KIAA1958: variants seen among roughly 807,000 people sequenced by gnomAD.
KIAA1958 encodes KIAA1958.
KIAA1958 carries 14 observed loss-of-function variants against 47.2 expected under a neutral mutation model. That is an observed-to-expected ratio of 0.30 (90% CI 0.20 to 0.46). KIAA1958 has a LOEUF of 0.46. KIAA1958 is among the 20% of genes least tolerant of loss of function. KIAA1958 has a pLI of 1.00. For synonymous variants in KIAA1958, 354 were observed against 353.3 expected, an observed-to-expected ratio of 1.00 and a Z score of -0.02; for missense variants, 803 against 909.2, an observed-to-expected ratio of 0.88 and a Z score of 1.50.
chr9:112,659,495 G>C lies in KIAA1958; in HGVS notation c.1577G>C (p.Arg526Pro). 1 of 1,613,600 alleles carries C rather than the reference G, an allele frequency of 6.2e-7. No homozygotes were observed. Among genetic ancestry groups the C allele is most frequent in the Non-Finnish European group, 8.5e-7 (1 of 1,179,784 alleles). ...VLSKAGMSGA[R>P]SRNIVYFSLS... ...AGTAAGGCAGGCATGTCGGGCGCGC[G>C]TTCTCGCAACATCGTCTACTTCTCC... The change falls in exon 4 of 4, where the codon CGT becomes CCT. Residue 526 changes from arginine to proline, a missense_variant. Transcript: ENST00000337530.
intron 3 of KIAA1958, among the ~76,000 whole-genome samples, chr9:112,646,166 G>A (rs1475310821): frequency 2.0e-5 from 3 of 151,852 alleles, no homozygotes; most frequent in Non-Finnish European, 4.4e-5. Flanking sequence ...AGTGATGTGA[G>A]GAAGAATAAA....
At chr9:112,546,206 G>C (rs1164315781) in intron 1 of KIAA1958, among the ~76,000 whole-genome samples, 1 of 151,920 alleles carries the variant, frequency 6.6e-6, no homozygotes, top group African/African-American at 2.4e-5. Context: ...TGTCCTCACT[G>C]CTCATTATAT....
At position 112,634,098 on chromosome 9, in the gene KIAA1958, AAG is replaced by A. The variant is rs753994315; in HGVS notation, c.1172-11549_1172-11548del. Among the ~76,000 whole-genome samples, 62 of 152,234 alleles carry A rather than the reference AAG, an allele frequency of 4.1e-4. 1 individual carries two copies. Among genetic ancestry groups the A allele is most frequent in the Non-Finnish European group, 1.5e-4 (10 of 68,046 alleles). On this transcript the variant is annotated intron_variant, in intron 2 of 3. Coordinates refer to ENST00000337530, the MANE Select transcript of KIAA1958 (RefSeq NM_133465.4). ...AAATCAATGCTTGTACCAACTTAGC[AAG>A]AGTGTTCCTGTTGCTCCATATCTTC...
chr9:112,571,833 T>G (rs1388659908), intron 1 of KIAA1958, among the ~76,000 whole-genome samples: 1 of 132,748 alleles, frequency 7.5e-6, no homozygotes, highest in African/African-American at 2.8e-5. Context: ...AAAATAAAAA[T>G]AAAAAATAAA....
intron 2 of KIAA1958, among the ~76,000 whole-genome samples, chr9:112,624,704 A>G (rs989318062): frequency 2.0e-5 from 3 of 152,234 alleles, no homozygotes; most frequent in African/African-American, 7.2e-5. Flanking sequence ...TGGCATTTTA[A>G]TACACTTACG....
intron 2 of KIAA1958, among the ~76,000 whole-genome samples, chr9:112,612,278 A>G (rs911000689): frequency 6.6e-6 from 1 of 151,746 alleles, no homozygotes. Context: ...TTAATTAGCC[A>G]GGTGTGGTGG....
At chr9:112,619,475 CTTAA>C (rs770308367) in intron 2 of KIAA1958, among the ~76,000 whole-genome samples, 2 of 152,036 alleles carry the variant, frequency 1.3e-5, no homozygotes, top group South Asian at 2.1e-4. Flanking sequence ...TCTTTTTTAA[CTTAA>C]TTAGAGTTTT....
intron 2 of KIAA1958, among the ~76,000 whole-genome samples, chr9:112,587,201 G>T (rs771922016): frequency 1.4e-4 from 22 of 152,228 alleles, no homozygotes; most frequent in Admixed American, 6.5e-4. Context: ...CCAGACTGGA[G>T]TGCAGTGGCG....
At chr9:112,516,050 G>A (rs1350482355) in intron 1 of KIAA1958, among the ~76,000 whole-genome samples, 1 of 152,264 alleles carries the variant, frequency 6.6e-6, no homozygotes, top group East Asian at 1.9e-4. Context: ...AAGTACAACT[G>A]TCTGTCTGTA....
chr9:112,555,521 T>G (rs1205157283), intron 1 of KIAA1958, among the ~76,000 whole-genome samples: 1 of 152,142 alleles, frequency 6.6e-6, no homozygotes, highest in African/African-American at 2.4e-5. Context: ...GAACAGAAAT[T>G]TATTTCTCAT....
At chr9:112,517,030 T>C (rs923988468) in intron 1 of KIAA1958, among the ~76,000 whole-genome samples, 1 of 152,250 alleles carries the variant, frequency 6.6e-6, no homozygotes, top group African/African-American at 2.4e-5. Context: ...GTGATTGGTA[T>C]AAGAGTGTGT....
intron 1 of KIAA1958, among the ~76,000 whole-genome samples, chr9:112,505,818 A>G (rs760301312): frequency 3.9e-5 from 6 of 152,180 alleles, no homozygotes; most frequent in African/African-American, 7.2e-5. Context: ...AGCTGTAGGA[A>G]AGATTGCTTG....
intron 1 of KIAA1958, among the ~76,000 whole-genome samples, chr9:112,499,688 CTTTT>C (rs917810043): frequency 7.7e-6 from 1 of 130,500 alleles, no homozygotes; most frequent in Non-Finnish European, 1.6e-5. Flanking sequence ...ACATTTTTTT[CTTTT>C]TTTTTTTTTT....
intron 2 of KIAA1958, among the ~76,000 whole-genome samples, chr9:112,596,811 T>C (rs1391210771): frequency 6.6e-6 from 1 of 152,232 alleles, no homozygotes; most frequent in Non-Finnish European, 1.5e-5. Flanking sequence ...CATACATCTT[T>C]TGTTTCAAAT....
In KIAA1958 at chr9:112,517,451, G is replaced by A. The variant is rs571226873; in HGVS notation, c.-25+30333G>A. 9.2e-5 allele frequency among the ~76,000 whole-genome samples: 14 copies of A among 152,136 alleles called. No individual in the cohort carries two copies. In the East Asian group the frequency reaches 9.6e-4, roughly 10 times the overall value. On this transcript the variant is annotated intron_variant, in intron 1 of 3. Transcript: ENST00000337530. The stretch of plus-strand genomic sequence containing the variant: ...GTGTACCATATATAAAAGTTAAAAC[G>A]GATGATAGGATTAATATAAAACCTA...
chr9:112,543,644 C>T (rs569894776), intron 1 of KIAA1958, among the ~76,000 whole-genome samples: 10 of 150,574 alleles, frequency 6.6e-5, no homozygotes, highest in African/African-American at 2.2e-4. Flanking sequence ...ATGATCTCGG[C>T]TCACCTCAAC....
chr9:112,611,552 G>A (rs1287794798), intron 2 of KIAA1958, among the ~76,000 whole-genome samples: 1 of 151,740 alleles, frequency 6.6e-6, no homozygotes, highest in East Asian at 1.9e-4. Context: ...ATTGGGGTGG[G>A]GAGAAAATCA....
intron 3 of KIAA1958, among the ~76,000 whole-genome samples, chr9:112,653,881 CAG>C (rs1440927753): frequency 4.6e-5 from 7 of 152,162 alleles, no homozygotes; most frequent in African/African-American, 1.7e-4. Context: ...GCCTGGGCGA[CAG>C]AGTGAGACTC....
chr9:112,521,084 A>G (rs1834533304), intron 1 of KIAA1958, among the ~76,000 whole-genome samples: 1 of 152,042 alleles, frequency 6.6e-6, no homozygotes, highest in Non-Finnish European at 1.5e-5. Flanking sequence ...ATATTTTTCA[A>G]TTAAAAAAAT....
Sources: allele counts gnomAD v4.1 joint callset (sites outside exome capture counted in the v4.1 genomes callset), GRCh38; gene constraint gnomAD v4.1.1; transcripts MANE v1.5; gene names NCBI Gene and HGNC (gene_info 2026-07-23, HGNC 2026-07-21).